Variants in C1QTNF3 observed in about 807,000 individuals in gnomAD.
The protein encoded by C1QTNF3 is C1q and TNF related 3, also known as complement C1q tumor necrosis factor-related protein 3.
A neutral mutation model predicts 32.6 loss-of-function variants in C1QTNF3; 26 were observed. The observed-to-expected ratio is 0.80, with a 90% CI of 0.58 to 1.11. The LOEUF (loss-of-function observed/expected upper bound fraction) is 1.11. C1QTNF3 is among the 50% of genes least tolerant of loss of function. The pLI, the probability that C1QTNF3 is intolerant of heterozygous loss-of-function variation, is 0.00. For synonymous variants in C1QTNF3, 155 were observed against 146.0 expected (o/e 1.06, Z -0.44); for missense variants, 362 against 398.2 (o/e 0.91, Z 0.77).
the C1QTNF3 span, among the ~76,000 whole-genome samples, chr5:34,194,727 C>T: frequency 6.6e-6 from 1 of 152,296 alleles, no homozygotes; most frequent in Non-Finnish European, 1.5e-5. Context: ...TACAGTCAGC[C>T]CTCAGTATCC....
At chr5:34,092,026 A>G in the C1QTNF3 span, among the ~76,000 whole-genome samples, 309 of 151,240 alleles carry the variant, frequency 2.0e-3, 1 homozygote, top group African/African-American at 7.1e-3. Flanking sequence ...TCTAAGACAA[A>G]TAGATATTGA....
At chr5:34,049,071 G>C in the C1QTNF3 span, among the ~76,000 whole-genome samples, 1 of 152,142 alleles carries the variant, frequency 6.6e-6, no homozygotes, top group African/African-American at 2.4e-5. Context: ...CCTAGTGTTT[G>C]CATCCAGTAT....
At chr5:34,040,816 T>G (rs1199299339) in intron 1 of C1QTNF3, among the ~76,000 whole-genome samples, 1 of 29,166 alleles carries the variant, frequency 3.4e-5, no homozygotes, top group South Asian at 4.3e-4. Flanking sequence ...GTTGCAGCAC[T>G]TTTTTTTTTT....
chr5:34,047,113 C>G (rs1277858723), upstream of C1QTNF3, among the ~76,000 whole-genome samples: 1 of 152,200 alleles, frequency 6.6e-6, no homozygotes, highest in East Asian at 1.9e-4. Flanking sequence ...CTGCCCCAGG[C>G]AACCTCCCTG....
At chr5:34,118,776 C>T in the C1QTNF3 span, among the ~76,000 whole-genome samples, 1 of 152,048 alleles carries the variant, frequency 6.6e-6, no homozygotes, top group South Asian at 2.1e-4. Context: ...TTGTTTTCAT[C>T]CTATTGTACT....
the C1QTNF3 span, among the ~76,000 whole-genome samples, chr5:34,162,948 T>C: frequency 9.2e-5 from 14 of 152,170 alleles, no homozygotes; most frequent in African/African-American, 3.4e-4. Context: ...GAGAACAAGA[T>C]AAACATGTTT....
the C1QTNF3 span, among the ~76,000 whole-genome samples, chr5:34,056,473 T>TAGAG: frequency 1.0e-4 from 11 of 106,974 alleles, no homozygotes; most frequent in Admixed American, 6.2e-4. Context: ...TATATATATA[T>TAGAG]ATATATAGAG....
At chr5:34,165,483 T>G in the C1QTNF3 span, 2 of 152,284 alleles carry the variant, frequency 1.3e-5, no homozygotes, top group Non-Finnish European at 2.9e-5. Flanking sequence ...TTTGATAATG[T>G]ATGTACAATG....
At chr5:34,087,917 C>T in the C1QTNF3 span, among the ~76,000 whole-genome samples, 1 of 152,154 alleles carries the variant, frequency 6.6e-6, no homozygotes, top group African/African-American at 2.4e-5. Flanking sequence ...AAGTAATTGG[C>T]CCTCTAGATT....
intron 3 of C1QTNF3, among the ~76,000 whole-genome samples, chr5:34,030,480 C>G (rs981293717): frequency 2.9e-4 from 44 of 152,188 alleles, no homozygotes; most frequent in Non-Finnish European, 5.1e-4. Flanking sequence ...TCTATATCCC[C>G]TAAGTGGAGA....
At chr5:34,244,519 G>C in the C1QTNF3 span, 1 of 152,130 alleles carries the variant, frequency 6.6e-6, no homozygotes. Context: ...ACAGAGAGCT[G>C]CTTGGTCTGT....
chr5:34,114,659 A>G, the C1QTNF3 span, among the ~76,000 whole-genome samples: 273 of 152,078 alleles, frequency 1.8e-3, 1 homozygote, highest in African/African-American at 6.3e-3. Context: ...TTTTTGCTCA[A>G]TTGCACACTT....
intron 2 of C1QTNF3, 124 bp from the exon 3 acceptor site, chr5:34,033,582 A>C: frequency 4.3e-6 from 5 of 1,174,024 alleles, no homozygotes; most frequent in African/African-American, 1.5e-5. Flanking sequence ...AAATATAACC[A>C]AGGGGTATCA....
chr5:34,133,999 T>A, the C1QTNF3 span, among the ~76,000 whole-genome samples: 4 of 152,366 alleles, frequency 2.6e-5, no homozygotes, highest in South Asian at 8.3e-4. Context: ...TAAATAGCTG[T>A]ATGAACCAAT....
chr5:34,092,494 T>A, the C1QTNF3 span, among the ~76,000 whole-genome samples: 1 of 148,340 alleles, frequency 6.7e-6, no homozygotes, highest in Non-Finnish European at 1.5e-5. Flanking sequence ...TTAAACACTT[T>A]ATCCCATATC....
At chr5:34,198,224 A>G in the C1QTNF3 span, among the ~76,000 whole-genome samples, 1 of 145,218 alleles carries the variant, frequency 6.9e-6, no homozygotes, top group African/African-American at 2.8e-5. Flanking sequence ...CCTGGGTAAC[A>G]GAGCAAAACT....
the C1QTNF3 span, among the ~76,000 whole-genome samples, chr5:34,179,992 T>C: frequency 6.6e-6 from 1 of 152,302 alleles, no homozygotes; most frequent in African/African-American, 2.4e-5. Flanking sequence ...GGAGGCTTAC[T>C]TGAGACCAGG....
the C1QTNF3 span, among the ~76,000 whole-genome samples, chr5:34,145,567 G>A: frequency 1.3e-5 from 2 of 148,412 alleles, no homozygotes; most frequent in African/African-American, 2.5e-5. Context: ...GTATAAAAAA[G>A]AACTGACATC....
chr5:34,175,498 G>A, the C1QTNF3 span: 3 of 263,574 alleles, frequency 1.1e-5, no homozygotes, highest in South Asian at 1.0e-4. Flanking sequence ...TATCCCAAAA[G>A]TAAATCCATA....
Sources: gnomAD v4.1 joint callset for allele counts (sites outside exome capture counted in the v4.1 genomes callset) on GRCh38, gnomAD v4.1.1 for gene constraint, MANE v1.5 for transcripts, NCBI Gene and HGNC (gene_info 2026-07-23, HGNC 2026-07-21) for gene names.